Variants in IMMP2L observed in about 807,000 individuals in gnomAD.
IMMP2L encodes the protein inner mitochondrial membrane peptidase subunit 2, also known as mitochondrial inner membrane protease subunit 2.
IMMP2L carries 18 observed loss-of-function variants against 19.3 expected under a neutral mutation model. The ratio of observed to expected loss-of-function variants is 0.93; its 90% CI spans 0.64 to 1.38. IMMP2L has a LOEUF of 1.38. Ranked by LOEUF, IMMP2L falls within the 40% of genes most tolerant of loss-of-function variation. IMMP2L has a pLI of 0.00. For synonymous variants in IMMP2L, 76 were observed against 73.0 expected (o/e 1.04, Z -0.21); for missense variants, 233 against 218.2 (o/e 1.07, Z -0.43).
intron 3 of IMMP2L, among the ~76,000 whole-genome samples, chr7:111,312,827 T>TA (rs1462878084): frequency 6.6e-6 from 1 of 152,098 alleles, no homozygotes; most frequent in Non-Finnish European, 1.5e-5. Context: ...TTCTGTCTCC[T>TA]AAAACCACTC....
intron 2 of IMMP2L, among the ~76,000 whole-genome samples, chr7:111,496,078 C>G (rs371927147): frequency 5.9e-5 from 9 of 152,254 alleles, no homozygotes; most frequent in African/African-American, 2.2e-4. Flanking sequence ...CACTGCAGCA[C>G]TGGCCAAGAA....
At chr7:111,243,548 G>T (rs1327765488) in intron 3 of IMMP2L, among the ~76,000 whole-genome samples, 2 of 141,532 alleles carry the variant, frequency 1.4e-5, no homozygotes, top group Non-Finnish European at 1.5e-5. Context: ...TAAGTTTTAG[G>T]GTACATGTGC....
intron 3 of IMMP2L, among the ~76,000 whole-genome samples, chr7:111,205,233 C>G (rs1403598868): frequency 6.6e-6 from 1 of 152,190 alleles, no homozygotes; most frequent in East Asian, 1.9e-4. Context: ...CATGAGAGCT[C>G]TAGCCTTATG....
chr7:111,169,684 A>G (rs1806217986), intron 3 of IMMP2L, among the ~76,000 whole-genome samples: 1 of 151,884 alleles, frequency 6.6e-6, no homozygotes, highest in South Asian at 2.1e-4. Flanking sequence ...ATACTAAATT[A>G]GAGCCAACCT....
chr7:110,894,358 A>G (rs183008433), intron 4 of IMMP2L, among the ~76,000 whole-genome samples: 2 of 152,298 alleles, frequency 1.3e-5, no homozygotes, highest in East Asian at 1.9e-4. Flanking sequence ...GGGACTACCA[A>G]TGTTTAAGAG....
intron 3 of IMMP2L, among the ~76,000 whole-genome samples, chr7:111,078,650 C>G (rs143724784): frequency 1.3e-5 from 2 of 152,112 alleles, no homozygotes; most frequent in African/African-American, 4.8e-5. Flanking sequence ...TGTGCAAATG[C>G]TTTCTTCCCC....
intron 3 of IMMP2L, among the ~76,000 whole-genome samples, chr7:111,033,044 TG>T (rs1287725832): frequency 6.6e-6 from 1 of 151,748 alleles, no homozygotes; most frequent in Non-Finnish European, 1.5e-5. Flanking sequence ...CACTTGAACC[TG>T]GGAGGCAGAG....
At chr7:110,963,410 C>G in intron 4 of IMMP2L, 90 bp downstream of exon 4, 4 of 899,726 alleles carry the variant, frequency 4.4e-6, no homozygotes, top group Non-Finnish European at 6.9e-6. Flanking sequence ...CTTTGGCCCT[C>G]ATGGACTTCA....
chr7:110,938,270 G>A (rs1169172578), intron 4 of IMMP2L, among the ~76,000 whole-genome samples: 1 of 152,174 alleles, frequency 6.6e-6, no homozygotes, highest in Non-Finnish European at 1.5e-5. Flanking sequence ...CTAGTAGGGA[G>A]GGAGGGGTAT....
intron 1 of IMMP2L, among the ~76,000 whole-genome samples, chr7:111,529,966 T>G (rs997759423): frequency 1.3e-5 from 2 of 152,182 alleles, no homozygotes; most frequent in Non-Finnish European, 2.9e-5. Context: ...CTCCTTCAAC[T>G]TGCAAACATC....
chr7:110,762,262 G>A (rs6964690), intron 5 of IMMP2L, among the ~76,000 whole-genome samples: 57,140 of 151,246 alleles, frequency 0.38, 10,971 homozygotes, highest in African/African-American at 0.45. Context: ...TTTCCCCATC[G>A]GCAAGGTGCT....
At chr7:111,073,376 G>C (rs970460243) in intron 3 of IMMP2L, among the ~76,000 whole-genome samples, 1 of 152,034 alleles carries the variant, frequency 6.6e-6, no homozygotes, top group African/African-American at 2.4e-5. Context: ...ATATTTGGGG[G>C]TTCATTGTGC....
intron 3 of IMMP2L, among the ~76,000 whole-genome samples, chr7:111,281,499 T>C (rs561812760): frequency 4.1e-4 from 63 of 152,282 alleles, no homozygotes; most frequent in African/African-American, 1.4e-3. Flanking sequence ...ATACTTTATA[T>C]ACTTCATAAT....
At chr7:111,395,847 G>A (rs994479217) in intron 3 of IMMP2L, among the ~76,000 whole-genome samples, 1 of 152,100 alleles carries the variant, frequency 6.6e-6, no homozygotes, top group Non-Finnish European at 1.5e-5. Context: ...TATATCCAGA[G>A]TGTCTGAAGA....
intron 5 of IMMP2L, among the ~76,000 whole-genome samples, chr7:110,800,154 T>G (rs1277981052): frequency 1.3e-5 from 2 of 152,052 alleles, no homozygotes; most frequent in Non-Finnish European, 1.5e-5. Flanking sequence ...AATTTCTAGT[T>G]TGTTGTTGCT....
chr7:111,314,595 T>C (rs1300666882), intron 3 of IMMP2L, among the ~76,000 whole-genome samples: 7 of 152,120 alleles, frequency 4.6e-5, no homozygotes. Context: ...AAAACTGAAG[T>C]AATGCAATAA....
chr7:111,260,240 C>A (rs867413807), intron 3 of IMMP2L, among the ~76,000 whole-genome samples: 2 of 152,098 alleles, frequency 1.3e-5, no homozygotes, highest in South Asian at 2.1e-4. Flanking sequence ...TTTGTTTACA[C>A]CAGCATCGCC....
intron 3 of IMMP2L, among the ~76,000 whole-genome samples, chr7:111,452,278 C>A (rs886664062): frequency 2.6e-5 from 4 of 152,042 alleles, no homozygotes; most frequent in Non-Finnish European, 5.9e-5. Flanking sequence ...CAGAAGCTAA[C>A]TATTATTTTA....
intron 5 of IMMP2L, among the ~76,000 whole-genome samples, chr7:110,817,415 G>A (rs1238301800): frequency 6.6e-6 from 1 of 151,944 alleles, no homozygotes; most frequent in Non-Finnish European, 1.5e-5. Context: ...GGGATGTGAA[G>A]GACCTCTTCA....
Sources: gnomAD v4.1 joint callset for allele counts (sites outside exome capture counted in the v4.1 genomes callset) on GRCh38, gnomAD v4.1.1 for gene constraint, MANE v1.5 for transcripts, NCBI Gene and HGNC (gene_info 2026-07-23, HGNC 2026-07-21) for gene names.